Variants in DNAH6 observed in about 807,000 individuals in gnomAD.
DNAH6 encodes dynein axonemal heavy chain 6.
DNAH6 carries 340 observed loss-of-function variants against 491.4 expected under a neutral mutation model. The ratio of observed to expected loss-of-function variants is 0.69; its 90% CI spans 0.63 to 0.76. DNAH6 has a LOEUF of 0.76. Among genes scored for constraint, DNAH6 ranks in the 30% least tolerant of loss-of-function variants. The pLI, the probability that DNAH6 is intolerant of heterozygous loss-of-function variation, is 0.00. For missense variants in DNAH6, 4,443 were observed against 4,972.2 expected (o/e 0.89, Z 3.20); for synonymous variants, 1,603 against 1,686.1 (o/e 0.95, Z 1.21).
At chr2:84,762,509 A>G (rs181767337) in intron 63 of DNAH6, among the ~76,000 whole-genome samples, 1 of 152,256 alleles carries the variant, frequency 6.6e-6, no homozygotes. Context: ...AATAGAGTGA[A>G]TGTTGAGGGA....
chr2:84,647,200 C>T (rs1056104911), intron 33 of DNAH6, among the ~76,000 whole-genome samples: 1 of 152,178 alleles, frequency 6.6e-6, no homozygotes, highest in Non-Finnish European at 1.5e-5. Context: ...TAGCTTCAAA[C>T]TTCTTTCCCT....
intron 2 of DNAH6, among the ~76,000 whole-genome samples, chr2:84,523,933 G>T (rs1312887284): frequency 1.3e-5 from 2 of 152,066 alleles, no homozygotes; most frequent in Non-Finnish European, 2.9e-5. Flanking sequence ...CTGTTTTGGG[G>T]TGGAGAGTTC....
chr2:84,696,786 A>C (rs1347785650), intron 46 of DNAH6, among the ~76,000 whole-genome samples: 1 of 152,142 alleles, frequency 6.6e-6, no homozygotes, highest in African/African-American at 2.4e-5. Flanking sequence ...AAATATTTGC[A>C]TCAATGTTGA....
intron 37 of DNAH6, among the ~76,000 whole-genome samples, chr2:84,667,161 G>A (rs1368480083): frequency 6.6e-6 from 1 of 152,076 alleles, no homozygotes; most frequent in African/African-American, 2.4e-5. Flanking sequence ...GAAAACCTAG[G>A]CAATACCATT....
At chr2:84,793,444 C>A (rs1020467456) in intron 68 of DNAH6, among the ~76,000 whole-genome samples, 6 of 152,130 alleles carry the variant, frequency 3.9e-5, no homozygotes, top group African/African-American at 1.4e-4. Context: ...TGTCAAAATG[C>A]AGATATTTTA....
chr2:84,685,296 CTTT>C, intron 42 of DNAH6, 27 bp from the exon 43 acceptor site: 3 of 1,075,734 alleles, frequency 2.8e-6, no homozygotes, highest in South Asian at 2.0e-5. Context: ...TAGAATTTTT[CTTT>C]TTTTTTTTCC....
chr2:84,550,153 A>G, intron 9 of DNAH6, 96 bp downstream of exon 9: 1 of 1,013,554 alleles, frequency 9.9e-7, no homozygotes. Flanking sequence ...TGTGCACTAA[A>G]AAAAAAAGAG....
Position 84,745,253 on chromosome 2 carries a change from G to A in DNAH6, c.10512+4G>A, listed in dbSNP as rs1259200208. ...TAAATGTTGTAAAGAAGAAAAGGTAGGGCATTTTTTTAATTAAAGGACTGT... is the reference window on the plus strand; with the variant it reads ...TAAATGTTGTAAAGAAGAAAAGGTAAGGCATTTTTTTAATTAAAGGACTGT... On this transcript the variant is annotated splice_donor_region_variant and intron_variant, in intron 63 of 76. Transcript: ENST00000389394. 2 of 1,471,742 alleles carry A rather than the reference G, an allele frequency of 1.4e-6. No homozygotes were observed. Among genetic ancestry groups the A allele is most frequent in the East Asian group, 5.2e-5 (2 of 38,726 alleles). The allele number at this position is 1,471,742 out of a possible 1,614,324, so 91.2% of individuals were successfully genotyped here. A position where few individuals can be genotyped will look rare whatever the true frequency, so the allele number is the denominator to read the frequency against.
chr2:84,544,409 A>G lies in DNAH6; in HGVS notation c.839A>G (p.Lys280Arg). ...ATATTTTCACTGTTCCGGAAATGGA[A>G]GGCTTTTAGTGTATGGAGGAAGAAT... ...IPIFSLFRKW[K>R]AFSVWRKNVR... The change falls in exon 5 of 77, where the codon AAG (lysine) becomes AGG (arginine). Residue 280 changes from lysine to arginine, a missense_variant. This residue lies in a region of DNAH6 where 2,977 missense variants were observed against 3,296.6 expected (regional missense o/e 0.90). Coordinates refer to ENST00000389394, the MANE Select transcript of DNAH6 (RefSeq NM_001370.2). 1 of 1,543,610 alleles carries G rather than the reference A, an allele frequency of 6.5e-7. No individual in the cohort carries two copies. The highest frequency in any genetic ancestry group is 8.8e-7 in the Non-Finnish European group (1 of 1,139,778).
intron 53 of DNAH6, 95 bp downstream of exon 53, chr2:84,707,114 T>C (rs1398108204): frequency 7.5e-6 from 10 of 1,332,940 alleles, no homozygotes; most frequent in Middle Eastern, 2.7e-4. Context: ...TTTTATCCAA[T>C]GTGTAGAATG....
At chr2:84,510,322 A>T in the DNAH6 span, among the ~76,000 whole-genome samples, 1 of 152,170 alleles carries the variant, frequency 6.6e-6, no homozygotes, top group Non-Finnish European at 1.5e-5. Flanking sequence ...CATTTCATTC[A>T]TTTGATCTTC....
intron 30 of DNAH6, among the ~76,000 whole-genome samples, chr2:84,636,937 G>A (rs971041896): frequency 6.6e-6 from 1 of 152,026 alleles, no homozygotes; most frequent in Non-Finnish European, 1.5e-5. Context: ...CTCAGTATAT[G>A]TTCAGACCTA....
At chr2:84,485,455 A>G in the DNAH6 span, among the ~76,000 whole-genome samples, 1 of 152,064 alleles carries the variant, frequency 6.6e-6, no homozygotes, top group Non-Finnish European at 1.5e-5. Flanking sequence ...GAAAGACCTT[A>G]TGGGGACAGT....
intron 7 of DNAH6, 59 bp from the exon 8 acceptor site, chr2:84,548,229 T>C: frequency 2.7e-6 from 4 of 1,503,206 alleles, no homozygotes; most frequent in African/African-American, 2.8e-5. Flanking sequence ...TGAATCATAT[T>C]GAAAGAGATG....
chr2:84,651,560 C>T (rs960581236), intron 33 of DNAH6, among the ~76,000 whole-genome samples: 3 of 151,718 alleles, frequency 2.0e-5, no homozygotes, highest in Admixed American at 2.0e-4. Flanking sequence ...TGCCCCTTTC[C>T]TGGTCCTTTG....
chr2:84,593,210 C>T (rs1684272203), intron 16 of DNAH6, among the ~76,000 whole-genome samples: 1 of 152,160 alleles, frequency 6.6e-6, no homozygotes, highest in Non-Finnish European at 1.5e-5. Flanking sequence ...AAGACTGATT[C>T]CTTCCTGATT....
chr2:84,669,266 T>C, intron 37 of DNAH6, 23 bp from the exon 38 acceptor site: 5 of 1,510,836 alleles, frequency 3.3e-6, no homozygotes, highest in East Asian at 2.5e-5. Context: ...CTATTGAAAG[T>C]GGTGTTTAAT....
the DNAH6 span, among the ~76,000 whole-genome samples, chr2:84,478,257 G>A: frequency 1.1e-4 from 16 of 152,318 alleles, no homozygotes; most frequent in East Asian, 2.9e-3. Flanking sequence ...CTGAAGTGCA[G>A]CCTCCAAGAG....
chr2:84,730,511 C>T (rs1247924395), intron 61 of DNAH6, among the ~76,000 whole-genome samples: 2 of 151,838 alleles, frequency 1.3e-5, no homozygotes, highest in Non-Finnish European at 2.9e-5. Context: ...TGTCTTGGGC[C>T]ACACTCAAAA....
Sources: allele counts gnomAD v4.1 joint callset (sites outside exome capture counted in the v4.1 genomes callset), GRCh38; gene constraint gnomAD v4.1.1; regional missense constraint gnomAD v4.1.1; transcripts MANE v1.5; gene names NCBI Gene and HGNC (gene_info 2026-07-23, HGNC 2026-07-21).